The following UBE2E1 variants were observed in gnomAD, a reference collection of about 807,000 sequenced individuals.
UBE2E1 encodes the protein ubiquitin conjugating enzyme E2 E1, also known as ubiquitin-conjugating enzyme E2 E1.
Under a neutral mutation model 21.4 loss-of-function variants are expected in UBE2E1, and 6 were observed. The ratio of observed to expected loss-of-function variants is 0.28; its 90% CI spans 0.15 to 0.55. UBE2E1 has a LOEUF of 0.55. Ranked by LOEUF, UBE2E1 falls within the 20% of genes least tolerant of loss-of-function variation. UBE2E1 has a pLI of 0.93. For missense variants in UBE2E1, 142 were observed against 236.5 expected, an observed-to-expected ratio of 0.60 and a Z score of 2.62; for synonymous variants, 87 against 82.7, an observed-to-expected ratio of 1.05 and a Z score of -0.28.
intron 3 of UBE2E1, among the ~76,000 whole-genome samples, chr3:23,864,139 C>G (rs1366646402): frequency 6.6e-6 from 1 of 152,150 alleles, no homozygotes; most frequent in African/African-American, 2.4e-5. Flanking sequence ...GATAGTTTGT[C>G]TGGTGTGGAA....
At chr3:23,886,815 T>C (rs1444053097) in intron 3 of UBE2E1, among the ~76,000 whole-genome samples, 1 of 152,230 alleles carries the variant, frequency 6.6e-6, no homozygotes. Flanking sequence ...ACATCGTACA[T>C]TTATTTAAAA....
intron 3 of UBE2E1, among the ~76,000 whole-genome samples, chr3:23,884,182 TCTA>T (rs200071936): frequency 0.017 from 2,523 of 152,174 alleles, 38 homozygotes; most frequent in African/African-American, 0.037. Flanking sequence ...TTCTGTTTTG[TCTA>T]CTTTTTTCTG....
In UBE2E1 at chr3:23,876,050, C is replaced by T. The variant is rs973231199; in HGVS notation, c.204-11517C>T. On this transcript the variant is annotated intron_variant, in intron 3 of 5. Transcript: ENST00000306627. The surrounding 1 kb of genome is among the most constrained non-coding windows in gnomAD (Gnocchi z 4.3). ...CCTCACAAAGTGCTGGGATTACAGG[C>T]GTGAGCCACTGTGCCCAGCCAAATA... Among the ~76,000 whole-genome samples the T allele has an allele frequency of 2.0e-5, 3 of 152,214 alleles. No homozygotes were observed. Among genetic ancestry groups the T allele is most frequent in the African/African-American group, 4.8e-5 (2 of 41,450 alleles).
Position 23,810,596 on chromosome 3 carries a change from C to T in UBE2E1, c.153-864C>T, listed in dbSNP as rs1699366009. The T allele has an allele frequency of 1.0e-5, 15 of 1,434,812 alleles. No individual in the cohort carries two copies. Among genetic ancestry groups the T allele is most frequent in the Admixed American group, 2.3e-5 (1 of 43,386 alleles). 88.9% of individuals were successfully genotyped at this position (1,434,812 alleles called of 1,614,324 possible). ...GGAGGCAGGGTCCGGTGCACCTGTG[C>T]GGCCGCGGGCCGGCCACTTGGGGTC... On this transcript the variant is annotated intron_variant, in intron 2 of 5. Coordinates refer to ENST00000306627, the MANE Select transcript of UBE2E1 (RefSeq NM_003341.5). The surrounding 1 kb of genome is among the most constrained non-coding windows in gnomAD (Gnocchi z 5.8).
chr3:23,868,395 A>G (rs1408741137), intron 3 of UBE2E1, among the ~76,000 whole-genome samples: 3 of 151,862 alleles, frequency 2.0e-5, no homozygotes, highest in Non-Finnish European at 4.4e-5. Context: ...TGCAACCCCC[A>G]CCTCCTGGGT....
rs936402523 is a variant in UBE2E1, at chr3:23,870,923, T to C, written c.204-16644T>C. The stretch of plus-strand genomic sequence containing the variant: ...TCAAGCATCTGTTTAACAAAGCACA[T>C]CTTGCACCGCCCTTAATCCATTTAA... On this transcript the variant is annotated intron_variant, in intron 3 of 5. Coordinates refer to ENST00000306627, the MANE Select transcript of UBE2E1 (RefSeq NM_003341.5). The surrounding 1 kb of genome is among the most constrained non-coding windows in gnomAD (Gnocchi z 4.2). Among the ~76,000 whole-genome samples the C allele has an allele frequency of 8.3e-4, 127 of 152,254 alleles. No individual in the cohort carries two copies. Among genetic ancestry groups the C allele is most frequent in the African/African-American group, 2.9e-3 (122 of 41,534 alleles).
rs1553637704 is a variant in UBE2E1, at chr3:23,842,198, G to GGGGGGTGT, written c.203+30689_203+30690insGGGGTGTG. ...TATGTCATGACCCAGTAAGTGAAGG[G>GGGGGGTGT]GTGTGTGTGTGTGTGTGTGTGTGTG... is the stretch of plus-strand genomic sequence containing the variant. On this transcript the variant is annotated intron_variant, in intron 3 of 5. Transcript: ENST00000306627. This position sits in a 1 kb window ranked among gnomAD's most constrained non-coding sequence, Gnocchi z 4.6. 1.7e-4 allele frequency among the ~76,000 whole-genome samples: 18 copies of GGGGGGTGT among 104,358 alleles called. No homozygotes were observed. Among genetic ancestry groups the GGGGGGTGT allele is most frequent in the African/African-American group, 2.9e-4 (8 of 27,702 alleles). The allele number at this position is 104,358 out of a possible 152,430, so 68.5% of individuals were successfully genotyped here. A position where few individuals can be genotyped will look rare whatever the true frequency, so the allele number is the denominator to read the frequency against.
Position 23,842,956 on chromosome 3 carries a change from T to G in UBE2E1, c.203+31446T>G, listed in dbSNP as rs1700126424. On this transcript the variant is annotated intron_variant, in intron 3 of 5. Transcript: ENST00000306627. The surrounding 1 kb of genome is among the most constrained non-coding windows in gnomAD (Gnocchi z 4.6). ...GATTATGGTAGTTATGGTATAACTT[T>G]ATACCATAAAATATCCCATGTGCTA... 6.6e-6 allele frequency among the ~76,000 whole-genome samples: 1 copy of G among 152,074 alleles called. No individual in the cohort carries two copies. Among genetic ancestry groups the G allele is most frequent in the Non-Finnish European group, 1.5e-5 (1 of 68,012 alleles).
chr3:23,837,615 T>G (rs910343191), intron 3 of UBE2E1, among the ~76,000 whole-genome samples: 8 of 152,232 alleles, frequency 5.3e-5, no homozygotes, highest in Non-Finnish European at 8.8e-5. Flanking sequence ...TGATATATTA[T>G]GTGATATGTT....
rs1445902979 is a variant in UBE2E1, at chr3:23,806,138, C to T, written c.-34+50C>T. 1 of 147,286 alleles carries T rather than the reference C, an allele frequency of 6.8e-6. No individual in the cohort carries two copies. Among genetic ancestry groups the T allele is most frequent in the Non-Finnish European group, 1.5e-5 (1 of 66,096 alleles). The allele number at this position is 147,286 out of a possible 1,614,324, so 9.1% of individuals were successfully genotyped here. A position where few individuals can be genotyped will look rare whatever the true frequency, so the allele number is the denominator to read the frequency against. On this transcript the variant is annotated intron_variant, in intron 1 of 5. Transcript: ENST00000306627. The surrounding 1 kb of genome is among the most constrained non-coding windows in gnomAD (Gnocchi z 6.5). ...GCCGCCCCCCGGCCGCGCCGCCGGG[C>T]CTCGGGGACACCCCTCGCCGCCTCC...
At position 23,807,228 on chromosome 3, in the gene UBE2E1, C is replaced by A; in HGVS notation, c.-33-9C>A. The A allele has an allele frequency of 6.3e-7, 1 of 1,589,188 alleles. No individual in the cohort carries two copies. Among genetic ancestry groups the A allele is most frequent in the South Asian group, 1.1e-5 (1 of 88,638 alleles). On this transcript the variant is annotated splice_polypyrimidine_tract_variant and intron_variant, in intron 1 of 5. Coordinates refer to ENST00000306627, the MANE Select transcript of UBE2E1 (RefSeq NM_003341.5). ...TGTGTGTTTCTGTTTTGTTTCTCTC[C>A]CCCTGCAGGGGCTGTTTGCGGGGTG...
chr3:23,846,718 A>G (rs1303338328), intron 3 of UBE2E1, among the ~76,000 whole-genome samples: 3 of 149,302 alleles, frequency 2.0e-5, no homozygotes, highest in Non-Finnish European at 3.0e-5. Context: ...AAAAAAAAAA[A>G]GGGAATGGGT....
chr3:23,845,230 T>C (rs983412095), intron 3 of UBE2E1, among the ~76,000 whole-genome samples: 11 of 152,240 alleles, frequency 7.2e-5, no homozygotes, highest in Non-Finnish European at 1.3e-4. Context: ...ATTAAAATTT[T>C]CTTCTTAATG....
In UBE2E1 at chr3:23,842,698, A is replaced by C. The variant is rs1218970122; in HGVS notation, c.203+31188A>C. Among the ~76,000 whole-genome samples, 1 of 152,144 alleles carries C rather than the reference A, an allele frequency of 6.6e-6. No individual in the cohort carries two copies. Among genetic ancestry groups the C allele is most frequent in the Non-Finnish European group, 1.5e-5 (1 of 68,016 alleles). On this transcript the variant is annotated intron_variant, in intron 3 of 5. Transcript: ENST00000306627. The surrounding 1 kb of genome is among the most constrained non-coding windows in gnomAD (Gnocchi z 4.6). Reference sequence around the variant, plus strand: ...CATTATCACAAATTACAAGTGCGCTATTCGGTTTTTAAAAATTTTAATTTT... The same window carrying C: ...CATTATCACAAATTACAAGTGCGCTCTTCGGTTTTTAAAAATTTTAATTTT...
At chr3:23,828,454 A>G (rs973037149) in intron 3 of UBE2E1, among the ~76,000 whole-genome samples, 1 of 152,252 alleles carries the variant, frequency 6.6e-6, no homozygotes. Flanking sequence ...ATTTAAATCT[A>G]TGAGAAAATG....
chr3:23,886,323 T>C (rs1159556071), intron 3 of UBE2E1, among the ~76,000 whole-genome samples: 2 of 152,256 alleles, frequency 1.3e-5, no homozygotes, highest in Admixed American at 6.5e-5. Flanking sequence ...CATGGGTGTG[T>C]TGCTCTACAG....
chr3:23,832,325 G>A (rs1232090916), intron 3 of UBE2E1, among the ~76,000 whole-genome samples: 8 of 152,292 alleles, frequency 5.3e-5, no homozygotes, highest in Admixed American at 5.2e-4. Context: ...TTTTCCTGGA[G>A]GGAGGAGACC....
chr3:23,848,302 C>G (rs1017000681), intron 3 of UBE2E1, among the ~76,000 whole-genome samples: 1 of 152,108 alleles, frequency 6.6e-6, no homozygotes, highest in Non-Finnish European at 1.5e-5. Context: ...AACCTTGTCT[C>G]TCTTAAAAAT....
Position 23,870,457 on chromosome 3 carries a change from C to T in UBE2E1, c.204-17110C>T, listed in dbSNP as rs952794849. Among the ~76,000 whole-genome samples the T allele has an allele frequency of 2.0e-5, 3 of 152,090 alleles. No individual in the cohort carries two copies. The highest frequency in any genetic ancestry group is 4.4e-5 in the Non-Finnish European group (3 of 68,024). On this transcript the variant is annotated intron_variant, in intron 3 of 5. Transcript: ENST00000306627. This position sits in a 1 kb window ranked among gnomAD's most constrained non-coding sequence, Gnocchi z 4.2. The stretch of plus-strand genomic sequence containing the variant: ...GGGAGTTAATTTACCTGTATTTCTG[C>T]CTATTGCTATGGGCAGAGCAGCTTT...
Sources: gnomAD v4.1 joint callset for allele counts (sites outside exome capture counted in the v4.1 genomes callset) on GRCh38, gnomAD v4.1.1 for gene constraint, Gnocchi (gnomAD v3.1) non-coding constraint, MANE v1.5 for transcripts, NCBI Gene and HGNC (gene_info 2026-07-23, HGNC 2026-07-21) for gene names.